The following KCNMA1 variants were observed in gnomAD, a reference collection of about 807,000 sequenced individuals.
KCNMA1 encodes potassium calcium-activated channel subfamily M alpha 1, also known as Calcium-activated potassium channel subunit alpha-1.
A neutral mutation model predicts 140.0 loss-of-function variants in KCNMA1; 29 were observed. The observed-to-expected ratio is 0.21, with a 90% confidence interval of 0.15 to 0.28. The LOEUF is 0.28. Among genes scored for constraint, KCNMA1 ranks in the 10% least tolerant of loss-of-function variants. The probability of loss-of-function intolerance (pLI) is 1.00; values close to 1 mark genes in which losing one functional copy is unlikely to be tolerated. For synonymous variants in KCNMA1, 612 were observed against 611.9 expected (o/e 1.00, Z 0.00); for missense variants, 880 against 1,602.2 (o/e 0.55, Z 7.70).
chr10:77,286,899 T>G (rs920987056), intron 2 of KCNMA1, among the ~76,000 whole-genome samples: 1 of 152,074 alleles, frequency 6.6e-6, no homozygotes, highest in Non-Finnish European at 1.5e-5. Context: ...GACCCAAATA[T>G]CATGCAAGTC....
At chr10:77,556,108 G>A (rs2154557947) in intron 1 of KCNMA1, among the ~76,000 whole-genome samples, 1 of 152,314 alleles carries the variant, frequency 6.6e-6, no homozygotes, top group Middle Eastern at 3.4e-3. Flanking sequence ...CTTTCTGCCA[G>A]TTACCATCAG....
chr10:77,218,583 C>T (rs2048547131), intron 3 of KCNMA1, among the ~76,000 whole-genome samples: 1 of 152,178 alleles, frequency 6.6e-6, no homozygotes, highest in South Asian at 2.1e-4. Context: ...ACACGACTCA[C>T]CCAATCCCAT....
At chr10:76,919,262 C>G (rs934788717) in intron 23 of KCNMA1, among the ~76,000 whole-genome samples, 1 of 152,130 alleles carries the variant, frequency 6.6e-6, no homozygotes, top group South Asian at 2.1e-4. Context: ...CACTAAAGAA[C>G]TTACTCATGC....
At chr10:77,101,033 C>A (rs11597359) in intron 9 of KCNMA1, among the ~76,000 whole-genome samples, 1 of 151,984 alleles carries the variant, frequency 6.6e-6, no homozygotes, top group Non-Finnish European at 1.5e-5. Context: ...AGGGGAGCTT[C>A]ATTCTATCAG....
chr10:76,969,079 G>C (rs113050477), intron 20 of KCNMA1, among the ~76,000 whole-genome samples: 384 of 152,210 alleles, frequency 2.5e-3, no homozygotes, highest in Non-Finnish European at 4.6e-3. Context: ...TAGAGAGTCA[G>C]GATGTCGGAG....
At chr10:77,099,506 G>T (rs1339201543) in intron 9 of KCNMA1, among the ~76,000 whole-genome samples, 3 of 152,150 alleles carry the variant, frequency 2.0e-5, no homozygotes, top group Admixed American at 6.5e-5. Flanking sequence ...CCTGCGGTCA[G>T]GAGTTCGAGA....
At chr10:77,099,338 T>C (rs2097030142) in intron 9 of KCNMA1, among the ~76,000 whole-genome samples, 1 of 152,148 alleles carries the variant, frequency 6.6e-6, no homozygotes, top group South Asian at 2.1e-4. Context: ...CTTTGCCTTG[T>C]TCTCCAGCCA....
At chr10:77,512,054 C>T (rs997501245) in intron 1 of KCNMA1, among the ~76,000 whole-genome samples, 7 of 152,096 alleles carry the variant, frequency 4.6e-5, no homozygotes, top group South Asian at 2.1e-4. Context: ...GCAGGAAGCC[C>T]GGGAGTTATG....
chr10:77,604,674 A>G (rs2083776657), intron 1 of KCNMA1, among the ~76,000 whole-genome samples: 1 of 151,932 alleles, frequency 6.6e-6, no homozygotes, highest in Non-Finnish European at 1.5e-5. Context: ...ACAACAGAGC[A>G]AAACCCCATC....
chr10:77,170,089 G>T (rs1367651676), intron 5 of KCNMA1, among the ~76,000 whole-genome samples: 1 of 152,226 alleles, frequency 6.6e-6, no homozygotes, highest in South Asian at 2.1e-4. Context: ...TACTTGGGAG[G>T]CTGAGGCAGG....
intron 1 of KCNMA1, among the ~76,000 whole-genome samples, chr10:77,547,339 T>A (rs2154556228): frequency 6.6e-6 from 1 of 152,324 alleles, no homozygotes; most frequent in Admixed American, 6.5e-5. Flanking sequence ...CAGGCTTGGC[T>A]CAATGAACAG....
intron 19 of KCNMA1, among the ~76,000 whole-genome samples, chr10:76,982,234 C>A (rs1433781699): frequency 1.3e-5 from 2 of 150,380 alleles, no homozygotes; most frequent in Non-Finnish European, 2.9e-5. Context: ...TACATAAATG[C>A]AACAGTACAA....
chr10:77,210,658 G>C (rs2045759502), intron 3 of KCNMA1, among the ~76,000 whole-genome samples: 1 of 152,142 alleles, frequency 6.6e-6, no homozygotes, highest in Admixed American at 6.6e-5. Flanking sequence ...TCTTTACTTA[G>C]AAAACCCTAA....
chr10:77,426,927 C>A (rs1211185508), intron 1 of KCNMA1, among the ~76,000 whole-genome samples: 1 of 152,230 alleles, frequency 6.6e-6, no homozygotes, highest in Admixed American at 6.5e-5. Flanking sequence ...ACCTACTATA[C>A]AAGTAATTGC....
chr10:77,543,674 T>C (rs1007487276), intron 1 of KCNMA1, among the ~76,000 whole-genome samples: 1 of 152,174 alleles, frequency 6.6e-6, no homozygotes, highest in African/African-American at 2.4e-5. Flanking sequence ...CCATTTTAGA[T>C]TGTCGAGTAA....
At chr10:77,438,043 T>G (rs1429665208) in intron 1 of KCNMA1, among the ~76,000 whole-genome samples, 1 of 152,084 alleles carries the variant, frequency 6.6e-6, no homozygotes, top group African/African-American at 2.4e-5. Flanking sequence ...CTATACTTTT[T>G]TAAATGTTTG....
At chr10:77,377,592 G>A (rs937878788) in intron 2 of KCNMA1, among the ~76,000 whole-genome samples, 13 of 152,142 alleles carry the variant, frequency 8.5e-5, no homozygotes, top group African/African-American at 1.7e-4. Flanking sequence ...AGGGTTTTGC[G>A]GAACTCTTGC....
At chr10:77,587,365 C>CT (rs1369880813) in intron 1 of KCNMA1, among the ~76,000 whole-genome samples, 2 of 152,132 alleles carry the variant, frequency 1.3e-5, no homozygotes, top group Non-Finnish European at 2.9e-5. Flanking sequence ...AACATTTGCA[C>CT]TTCTCTCCAA....
chr10:76,967,723 C>T (rs374807071), intron 20 of KCNMA1, among the ~76,000 whole-genome samples: 6 of 152,232 alleles, frequency 3.9e-5, no homozygotes, highest in East Asian at 3.9e-4. Context: ...ATAAGACATC[C>T]CAGCGACAGG....
Sources: gnomAD v4.1 joint callset for allele counts (sites outside exome capture counted in the v4.1 genomes callset) on GRCh38, gnomAD v4.1.1 for gene constraint, MANE v1.5 for transcripts, NCBI Gene and HGNC (gene_info 2026-07-23, HGNC 2026-07-21) for gene names.